Variants in TASOR2 observed in about 807,000 individuals in gnomAD.
TASOR2 encodes transcription activation suppressor family member 2.
Under a neutral mutation model 199.5 loss-of-function variants are expected in TASOR2, and 84 were observed. The observed-to-expected ratio is 0.42, with a 90% CI of 0.35 to 0.50. TASOR2 has a LOEUF of 0.50. Among genes scored for constraint, TASOR2 ranks in the 20% least tolerant of loss-of-function variants. The pLI, the probability that TASOR2 is intolerant of heterozygous loss-of-function variation, is 0.02. For synonymous variants in TASOR2, 1,103 were observed against 1,046.6 expected, an observed-to-expected ratio of 1.05 and a Z score of -1.04; for missense variants, 2,796 against 2,835.9, an observed-to-expected ratio of 0.99 and a Z score of 0.32.
At position 5,723,782 on chromosome 10, in the gene TASOR2, G is replaced by A; in HGVS notation, c.247+5G>A. ...AGAATTACTTGGAGGAGAAAGGTCTGTTGAAATGTAATAACACGCTACTTG... is the reference window on the plus strand; with the variant it reads ...AGAATTACTTGGAGGAGAAAGGTCTATTGAAATGTAATAACACGCTACTTG... On this transcript the variant is annotated splice_donor_5th_base_variant and intron_variant, in intron 7 of 20. Coordinates refer to ENST00000328090, the Ensembl canonical transcript of TASOR2. 4 of 1,588,306 alleles carry A rather than the reference G, an allele frequency of 2.5e-6. No individual in the cohort carries two copies. Among genetic ancestry groups the A allele is most frequent in the Non-Finnish European group, 2.6e-6 (3 of 1,163,800 alleles).
exon 15 of TASOR2, chr10:5,747,819 C>T (rs750709602): frequency 2.2e-5 from 35 of 1,613,842 alleles, no homozygotes; most frequent in Non-Finnish European, 2.8e-5. Flanking sequence ...GGCAAGATAA[C>T]TTTACCCAGG....
At chr10:5,741,391 T>C (rs1236626513) in intron 13 of TASOR2, among the ~76,000 whole-genome samples, 1 of 152,232 alleles carries the variant, frequency 6.6e-6, no homozygotes, top group South Asian at 2.1e-4. Flanking sequence ...TCTGACTATA[T>C]GGACTCTACA....
At chr10:5,705,170 G>A (rs1456306266) in intron 1 of TASOR2, among the ~76,000 whole-genome samples, 1 of 152,020 alleles carries the variant, frequency 6.6e-6, no homozygotes, top group Non-Finnish European at 1.5e-5. Flanking sequence ...TCCTATTCCT[G>A]CCCCCTGCTG....
At chr10:5,727,145 G>A (rs1481661920) in intron 10 of TASOR2, 22 bp downstream of exon 11, 5 of 1,613,138 alleles carry the variant, frequency 3.1e-6, no homozygotes, top group Non-Finnish European at 4.2e-6. Context: ...ATGGTTTCCA[G>A]CTCACTCTGT....
Position 5,750,038 on chromosome 10 carries a change from A to G in TASOR2, c.6606+11A>G, listed in dbSNP as rs181799618. On this transcript the variant is annotated intron_variant, in intron 15 of 20. Transcript: ENST00000328090. The surrounding 1 kb of genome is among the most constrained non-coding windows in gnomAD (Gnocchi z 5.4). ...TTTGTAAGAACAAAGGTAAAGTGCC[A>G]GCCACGTCTTACGTATTATTTTAAT... is the stretch of plus-strand genomic sequence containing the variant. 2.2e-5 allele frequency: 35 copies of G among 1,574,588 alleles called. No individual in the cohort carries two copies. The Admixed American group carries it at 5.3e-4, about 24-fold the overall frequency.
At position 5,731,089 on chromosome 10, in the gene TASOR2, GT is replaced by G; in HGVS notation, c.1091del (p.Val364GlyfsTer27). 2 of 1,613,886 alleles carry G rather than the reference GT, an allele frequency of 1.2e-6. No individual in the cohort carries two copies. Among genetic ancestry groups the G allele is most frequent in the Non-Finnish European group, 1.7e-6 (2 of 1,180,040 alleles). ...GCCCCACATGGTGCAGAGTAAAAAG[GT>G]GAACTTGTGCCGCCCCTTTCCCAAA... On this transcript the variant is annotated frameshift_variant, in exon 11 of 21. Transcript: ENST00000328090. LOFTEE classifies it high-confidence loss of function.
chr10:5,701,162 T>C lies in TASOR2; in HGVS notation c.-287-11661T>C, dbSNP rs1321977043. On this transcript the variant is annotated intron_variant, in intron 1 of 20. Coordinates refer to ENST00000328090, the Ensembl canonical transcript of TASOR2. The surrounding 1 kb of genome is among the most constrained non-coding windows in gnomAD (Gnocchi z 4.9). ...AGTCTTAAATCCATTTTGATTTGAATTTTGTATATGGTCAGATTGTTTTGT... is the reference window on the plus strand; with the variant it reads ...AGTCTTAAATCCATTTTGATTTGAACTTTGTATATGGTCAGATTGTTTTGT... Among the ~76,000 whole-genome samples the C allele has an allele frequency of 2.0e-5, 3 of 152,142 alleles. No individual in the cohort carries two copies. The highest frequency in any genetic ancestry group is 2.1e-4 in the South Asian group (1 of 4,824).
chr10:5,713,987 G>T lies in TASOR2; in HGVS notation c.-192+1069G>T, dbSNP rs184202233. The T allele has an allele frequency of 3.8e-3, 1,498 of 389,654 alleles. 14 individuals are homozygous for T. Among genetic ancestry groups the T allele is most frequent in the African/African-American group, 0.028 (1,324 of 48,088 alleles). 24.1% of individuals were successfully genotyped at this position (389,654 alleles called of 1,614,324 possible). A position where few individuals can be genotyped will look rare whatever the true frequency, so the allele number is the denominator to read the frequency against. Reference sequence around the variant, plus strand: ...AGGCTGAGGTGGGAGGATTGCTTGAGCCCAGGAATTTGAGATCAGCCTGGG... The same window carrying T: ...AGGCTGAGGTGGGAGGATTGCTTGATCCCAGGAATTTGAGATCAGCCTGGG... On this transcript the variant is annotated intron_variant, in intron 2 of 20. Coordinates refer to ENST00000328090, the Ensembl canonical transcript of TASOR2.
intron 1 of TASOR2, among the ~76,000 whole-genome samples, chr10:5,705,601 T>C (rs982332075): frequency 1.3e-5 from 2 of 152,246 alleles, no homozygotes; most frequent in Non-Finnish European, 2.9e-5. Context: ...ATATTTCTAC[T>C]AGGAGTGTTC....
exon 15 of TASOR2, chr10:5,747,924 G>A (rs1338639303): frequency 6.2e-7 from 1 of 1,613,794 alleles, no homozygotes; most frequent in Admixed American, 1.7e-5. Context: ...AAGTAACTGA[G>A]GAAATTGTCT....
chr10:5,741,326 C>A (rs1836395703), intron 13 of TASOR2, among the ~76,000 whole-genome samples: 1 of 152,212 alleles, frequency 6.6e-6, no homozygotes, highest in Non-Finnish European at 1.5e-5. Flanking sequence ...TGTTAGCAAG[C>A]ATTCATTAGC....
Position 5,698,338 on chromosome 10 carries a change from C to T in TASOR2, c.-288+13163C>T, listed in dbSNP as rs895996350. 6.6e-6 allele frequency among the ~76,000 whole-genome samples: 1 copy of T among 152,080 alleles called. No individual in the cohort carries two copies. The highest frequency in any genetic ancestry group is 2.4e-5 in the African/African-American group (1 of 41,398). ...GCTGAGTTAAGCTGAATTCAATGAA[C>T]ACTGTAGAGATGTGAGTGATAAAAA... On this transcript the variant is annotated intron_variant, in intron 1 of 20. Coordinates refer to ENST00000328090, the Ensembl canonical transcript of TASOR2. The surrounding 1 kb of genome is among the most constrained non-coding windows in gnomAD (Gnocchi z 4.4).
intron 9 of TASOR2, 38 bp downstream of exon 10, chr10:5,726,995 A>G (rs767264435): frequency 6.2e-7 from 1 of 1,612,904 alleles, no homozygotes; most frequent in African/African-American, 1.3e-5. Flanking sequence ...ATTTTTCATT[A>G]TGTTTACTTT....
At chr10:5,755,451 G>A (rs1251171993) in intron 15 of TASOR2, among the ~76,000 whole-genome samples, 2 of 152,002 alleles carry the variant, frequency 1.3e-5, no homozygotes, top group Non-Finnish European at 2.9e-5. Flanking sequence ...GCGGGCACCT[G>A]TAATCCCAGC....
At chr10:5,745,058 A>G (rs985318585) in intron 14 of TASOR2, among the ~76,000 whole-genome samples, 1 of 152,206 alleles carries the variant, frequency 6.6e-6, no homozygotes, top group Non-Finnish European at 1.5e-5. Flanking sequence ...GATCAGTTGT[A>G]TAATCAGTTC....
rs1458172754 is a variant in TASOR2, at chr10:5,752,384, G to A, written c.6606+2357G>A. 6.6e-6 allele frequency among the ~76,000 whole-genome samples: 1 copy of A among 152,176 alleles called. No individual in the cohort carries two copies. The highest frequency in any genetic ancestry group is 2.4e-5 in the African/African-American group (1 of 41,442). On this transcript the variant is annotated intron_variant, in intron 15 of 20. Transcript: ENST00000328090. This position sits in a 1 kb window ranked among gnomAD's most constrained non-coding sequence, Gnocchi z 4.4. Reference sequence around the variant, plus strand: ...CTGCAGCACAGAAAGCAGAGCATAGGGGCCTGCAGGCCGCGTGCAAAACTG... The same window carrying A: ...CTGCAGCACAGAAAGCAGAGCATAGAGGCCTGCAGGCCGCGTGCAAAACTG...
intron 15 of TASOR2, among the ~76,000 whole-genome samples, chr10:5,755,402 A>G (rs1440266522): frequency 6.6e-6 from 1 of 151,900 alleles, no homozygotes; most frequent in Non-Finnish European, 1.5e-5. Context: ...GTGAAACCCC[A>G]TCTCTACTAA....
intron 1 of TASOR2, among the ~76,000 whole-genome samples, chr10:5,700,418 T>A (rs1230056189): frequency 6.6e-6 from 1 of 152,122 alleles, no homozygotes; most frequent in African/African-American, 2.4e-5. Flanking sequence ...CTTTTTGATA[T>A]GTTGATTTTC....
chr10:5,705,108 T>G (rs1156248390), intron 1 of TASOR2, among the ~76,000 whole-genome samples: 1 of 152,210 alleles, frequency 6.6e-6, no homozygotes, highest in African/African-American at 2.4e-5. Context: ...AAATAGTGTG[T>G]GTCCATCACC....
Sources: allele counts gnomAD v4.1 joint callset (sites outside exome capture counted in the v4.1 genomes callset), GRCh38; gene constraint gnomAD v4.1.1; non-coding constraint Gnocchi (gnomAD v3.1); transcripts MANE v1.5; gene names NCBI Gene and HGNC (gene_info 2026-07-23, HGNC 2026-07-21).